TGFBI: variants seen among roughly 807,000 people sequenced by gnomAD.
The protein encoded by TGFBI is transforming growth factor beta induced.
Under a neutral mutation model 73.7 loss-of-function variants are expected in TGFBI, and 50 were observed. That is an observed-to-expected ratio of 0.68 (90% CI 0.54 to 0.86). The LOEUF is 0.86. TGFBI is among the 40% of genes least tolerant of loss of function. The pLI is 0.00. For synonymous variants in TGFBI, 362 were observed against 360.5 expected (o/e 1.00, Z -0.05); for missense variants, 839 against 877.0 (o/e 0.96, Z 0.55).
chr5:136,037,848 C>T (rs893064749), intron 2 of TGFBI, among the ~76,000 whole-genome samples: 1 of 152,104 alleles, frequency 6.6e-6, no homozygotes, highest in South Asian at 2.1e-4. Flanking sequence ...GCTGGCAGGG[C>T]TTTTTCAGTA....
At chr5:136,030,167 T>C (rs1751091271) in intron 1 of TGFBI, among the ~76,000 whole-genome samples, 1 of 152,222 alleles carries the variant, frequency 6.6e-6, no homozygotes, top group South Asian at 2.1e-4. Context: ...AGTAGAATCT[T>C]GTAGTGACTC....
At chr5:136,046,298 C>T (rs1317334545) in intron 3 of TGFBI, 37 bp from the exon 4 acceptor site, 3 of 1,612,674 alleles carry the variant, frequency 1.9e-6, no homozygotes, top group South Asian at 1.1e-5. Context: ...GCTGGACCCC[C>T]AGAGGCCATC....
At chr5:136,058,580 T>C (rs1751692230) in intron 12 of TGFBI, among the ~76,000 whole-genome samples, 1 of 152,170 alleles carries the variant, frequency 6.6e-6, no homozygotes, top group Non-Finnish European at 1.5e-5. Context: ...AGCTGTCTAC[T>C]CTTTTAAGTT....
At chr5:136,055,326 C>T (rs2126914409) in intron 10 of TGFBI, 1 of 223,344 alleles carries the variant, frequency 4.5e-6, no homozygotes. Context: ...TGGGACCAAC[C>T]AGCACCATTT....
chr5:136,062,153 G>A (rs1751760221), intron 15 of TGFBI, among the ~76,000 whole-genome samples: 1 of 152,140 alleles, frequency 6.6e-6, no homozygotes, highest in Admixed American at 6.5e-5. Context: ...AGTGCTCAGT[G>A]CCCCACTTGG....
In TGFBI at chr5:136,060,799, C is replaced by T. The variant is rs45626931; in HGVS notation, c.1804-35C>T. 5,539 of 1,440,630 alleles carry T rather than the reference C, an allele frequency of 3.8e-3. 184 individuals carry two copies. The African/African-American group carries it at 0.07, about 18-fold the overall frequency. 89.2% of individuals were successfully genotyped at this position (1,440,630 alleles called of 1,614,324 possible). On this transcript the variant is annotated intron_variant, in intron 13 of 16. Coordinates refer to ENST00000442011, the MANE Select transcript of TGFBI (RefSeq NM_000358.3). ...AAATATATAAATGTATAAATAAATG[C>T]TCTACTTTCAACCACTACTCTGTTT...
Position 136,046,537 on chromosome 5 carries a change from CT to C in TGFBI, c.459+43del, listed in dbSNP as rs750382706. ...CTGCCCGGGGGACTCTTATGGGGAA[CT>C]GCCTTACTTCCCCGAGGGGTGGGCA... is the stretch of plus-strand genomic sequence containing the variant. On this transcript the variant is annotated intron_variant, in intron 4 of 16. Coordinates refer to ENST00000442011, the MANE Select transcript of TGFBI (RefSeq NM_000358.3). 3 of 1,553,478 alleles carry C rather than the reference CT, an allele frequency of 1.9e-6. No individual in the cohort carries two copies. The African/African-American group carries it at 4.1e-5, about 21-fold the overall frequency.
intron 3 of TGFBI, chr5:136,045,770 C>G (rs1054342207): frequency 6.6e-6 from 1 of 151,778 alleles, no homozygotes; most frequent in African/African-American, 2.4e-5. Flanking sequence ...AATTTCAGAC[C>G]CTTCAAAATG....
rs45583534 is a variant in TGFBI at position 136,058,493 on chromosome 5, G to A, written c.1679-597G>A. On this transcript the variant is annotated intron_variant, in intron 12 of 16. Coordinates refer to ENST00000442011, the MANE Select transcript of TGFBI (RefSeq NM_000358.3). ...TGTGGGCTGAAAGGAATGCTGAGACGTGACGAGGAGAGATGCTGCGGAGGG... is the reference window on the plus strand; with the variant it reads ...TGTGGGCTGAAAGGAATGCTGAGACATGACGAGGAGAGATGCTGCGGAGGG... Among the ~76,000 whole-genome samples the A allele has an allele frequency of 4.6e-3, 706 of 152,288 alleles. 4 individuals are homozygous for A. Among genetic ancestry groups the A allele is most frequent in the Non-Finnish European group, 7.7e-3 (527 of 68,022 alleles).
intron 1 of TGFBI, among the ~76,000 whole-genome samples, 152 bp downstream of exon 1, chr5:136,029,341 G>A (rs1480512927): frequency 2.6e-5 from 4 of 152,030 alleles, no homozygotes; most frequent in South Asian, 4.2e-4. Context: ...CACCAGCCCT[G>A]CACGCGGTGG....
intron 7 of TGFBI, among the ~76,000 whole-genome samples, chr5:136,051,107 T>C (rs2126911838): frequency 6.6e-6 from 1 of 152,230 alleles, no homozygotes; most frequent in East Asian, 1.9e-4. Flanking sequence ...TAAAACATGA[T>C]TTGCACAGAG....
chr5:136,061,430 G>A, intron 14 of TGFBI, 70 bp from the exon 15 acceptor site: 1 of 1,160,286 alleles, frequency 8.6e-7, no homozygotes, highest in Non-Finnish European at 1.3e-6. Context: ...GTGCCCCTCA[G>A]TCACGGTTGT....
chr5:136,054,706 T>C lies in TGFBI; in HGVS notation c.1265-10T>C. On this transcript the variant is annotated splice_polypyrimidine_tract_variant and intron_variant, in intron 9 of 16. Coordinates refer to ENST00000442011, the MANE Select transcript of TGFBI (RefSeq NM_000358.3). ...ATCTCTCTGGACCTAACCATCACCC[T>C]TTCTTGTAGATGGAACCCCTCCAAT... 1 of 1,613,992 alleles carries C rather than the reference T, an allele frequency of 6.2e-7. No homozygotes were observed. Among genetic ancestry groups the C allele is most frequent in the Non-Finnish European group, 8.5e-7 (1 of 1,179,882 alleles).
In TGFBI at chr5:136,029,075, T is replaced by C. The variant is rs1751057848; in HGVS notation, c.20T>C (p.Leu7Pro). Reference sequence around the variant, plus strand: ...CGCTCCATGGCGCTCTTCGTGCGGCTGCTGGCTCTCGCCCTGGCTCTGGCC... The same window carrying C: ...CGCTCCATGGCGCTCTTCGTGCGGCCGCTGGCTCTCGCCCTGGCTCTGGCC... MALFVR[L>P]LALALALALG... The change falls in exon 1 of 17, where the codon CTG becomes CCG. Residue 7 changes from leucine to proline, a missense_variant. Physicochemically the swap from Leu to Pro is moderately conservative, Grantham distance 98 (BLOSUM62 -3). Coordinates refer to ENST00000442011, the MANE Select transcript of TGFBI (RefSeq NM_000358.3). The C allele has an allele frequency of 5.9e-6, 9 of 1,527,868 alleles. No homozygotes were observed. The highest frequency in any genetic ancestry group is 1.4e-5 in the African/African-American group (1 of 71,372). The allele number at this position is 1,527,868 out of a possible 1,614,324, so 94.6% of individuals were successfully genotyped here. A position where few individuals can be genotyped will look rare whatever the true frequency, so the allele number is the denominator to read the frequency against.
intron 11 of TGFBI, 95 bp downstream of exon 11, chr5:136,055,911 T>C: frequency 1.5e-6 from 2 of 1,371,276 alleles, no homozygotes; most frequent in Non-Finnish European, 2.0e-6. Flanking sequence ...TCTTCTACCT[T>C]GGGGATTCAA....
At chr5:136,043,316 A>G (rs1351528707) in intron 2 of TGFBI, among the ~76,000 whole-genome samples, 1 of 152,226 alleles carries the variant, frequency 6.6e-6, no homozygotes, top group Non-Finnish European at 1.5e-5. Flanking sequence ...TGTGTATTTC[A>G]GATCTCCAGA....
intron 2 of TGFBI, among the ~76,000 whole-genome samples, chr5:136,036,754 T>C (rs925424860): frequency 4.6e-5 from 7 of 151,938 alleles, no homozygotes; most frequent in Admixed American, 4.6e-4. Flanking sequence ...AGCACAGTAG[T>C]GGTTGGGGCA....
intron 2 of TGFBI, among the ~76,000 whole-genome samples, chr5:136,040,023 C>T (rs147115972): frequency 3.9e-5 from 6 of 152,346 alleles, no homozygotes; most frequent in African/African-American, 9.6e-5. Context: ...CTTGTTCCAA[C>T]GACTTCTCGA....
chr5:136,062,776 T>A, intron 16 of TGFBI, 89 bp downstream of exon 16: 1 of 1,377,388 alleles, frequency 7.3e-7, no homozygotes, highest in Non-Finnish European at 1.0e-6. Context: ...TGTATATAGA[T>A]AAGAACATCA....
Sources: gnomAD v4.1 joint callset for allele counts (sites outside exome capture counted in the v4.1 genomes callset) on GRCh38, gnomAD v4.1.1 for gene constraint, MANE v1.5 for transcripts, NCBI Gene and HGNC (gene_info 2026-07-23, HGNC 2026-07-21) for gene names.